The following ATAD5 variants were observed in gnomAD, a reference collection of about 807,000 sequenced individuals.
ATAD5 encodes ATPase family AAA domain-containing protein 5.
Under a neutral mutation model 176.9 loss-of-function variants are expected in ATAD5, and 58 were observed. The observed-to-expected ratio is 0.33, with a 90% CI of 0.27 to 0.41. The LOEUF is 0.41. Among genes scored for constraint, ATAD5 ranks in the 10% least tolerant of loss-of-function variants. The pLI, the probability that ATAD5 is intolerant of heterozygous loss-of-function variation, is 1.00. For synonymous variants in ATAD5, 640 were observed against 712.6 expected (o/e 0.90, Z 1.62); for missense variants, 1,789 against 2,094.1 (o/e 0.85, Z 2.84).
At chr17:30,867,810 G>A (rs1466568517) in intron 11 of ATAD5, among the ~76,000 whole-genome samples, 1 of 152,080 alleles carries the variant, frequency 6.6e-6, no homozygotes, top group Non-Finnish European at 1.5e-5. Flanking sequence ...TCGCTGTGTT[G>A]CCCAGGCTGG....
Position 30,835,074 on chromosome 17 carries a change from T to C in ATAD5, c.993T>C (p.Ile331=). The change falls in exon 2 of 23, where the codon ATT becomes ATC. Residue 331 remains isoleucine (I), a synonymous_variant. Coordinates refer to ENST00000321990, the MANE Select transcript of ATAD5 (RefSeq NM_024857.5). ...TVTVLAQVHP[I]PPKKTGKIPR... ...CTGTTCTTGCACAGGTTCACCCTAT[T>C]CCGCCCAAAAAGACAGGGAAAATAC... is the stretch of plus-strand genomic sequence containing the variant. 6.2e-7 allele frequency: 1 copy of C among 1,614,066 alleles called. No individual in the cohort carries two copies. The highest frequency in any genetic ancestry group is 1.7e-5 in the Admixed American group (1 of 60,020).
intron 12 of ATAD5, 101 bp downstream of exon 12, chr17:30,868,513 T>C (rs181061628): frequency 1.2e-6 from 1 of 822,122 alleles, no homozygotes. Context: ...TTTTTAATTT[T>C]TTTTTTTTTT....
rs557444605 is a variant in ATAD5 at position 30,852,073 on chromosome 17, C to G, written c.2451-3070C>G. On this transcript the variant is annotated intron_variant, in intron 6 of 22. Coordinates refer to ENST00000321990, the MANE Select transcript of ATAD5 (RefSeq NM_024857.5). ...GAATTAACCACATGATGATGGTTTC[C>G]AAATGGCAATTCTCTATTGCAGTCA... 1.9e-3 allele frequency among the ~76,000 whole-genome samples: 284 copies of G among 152,252 alleles called. 1 individual carries two copies. Among genetic ancestry groups the G allele is most frequent in the Non-Finnish European group, 2.2e-3 (149 of 68,016 alleles).
At position 30,835,351 on chromosome 17, in the gene ATAD5, G is replaced by A. The variant is rs147926164; in HGVS notation, c.1270G>A (p.Asp424Asn). 5.6e-6 allele frequency: 9 copies of A among 1,612,894 alleles called. No homozygotes were observed. The highest frequency in any genetic ancestry group is 1.1e-5 in the South Asian group (1 of 90,634). Residue 424 changes from aspartate to asparagine, a missense_variant, in exon 2 of 23, where the codon GAT becomes AAT. Transcript: ENST00000321990. ...ALKNGVKKSS[D>N]KQKDLNEKCL... is the part of the protein sequence containing the mutation. ...TAAAAATGGAGTTAAAAAGTCTTCT[G>A]ATAAGCAGAAAGACCTTAATGAAAA... is the stretch of plus-strand genomic sequence containing the variant.
In ATAD5 at chr17:30,895,629, C is replaced by T. The variant is rs1382957730; in HGVS notation, c.*716C>T. ...CATGTTGGTTAGGCTGGTCTCTTAA[C>T]TCCTGACCTCAAGTGATCCATCTGC... On this transcript the variant is annotated 3_prime_UTR_variant, in exon 23 of 23. Transcript: ENST00000321990. The T allele has an allele frequency of 6.6e-6, 1 of 152,218 alleles. No homozygotes were observed. Among genetic ancestry groups the T allele is most frequent in the Admixed American group, 6.6e-5 (1 of 15,262 alleles). The allele number at this position is 152,218 out of a possible 1,614,324, so 9.4% of individuals were successfully genotyped here.
chr17:30,888,834 G>A (rs1414721736), intron 19 of ATAD5, among the ~76,000 whole-genome samples: 2 of 151,926 alleles, frequency 1.3e-5, no homozygotes, highest in Non-Finnish European at 2.9e-5. Flanking sequence ...TTGGAAGGCC[G>A]AGGCGGTTAG....
chr17:30,876,416 A>G lies in ATAD5; in HGVS notation c.3650A>G (p.Lys1217Arg). 6.2e-7 allele frequency: 1 copy of G among 1,602,456 alleles called. No homozygotes were observed. The highest frequency in any genetic ancestry group is 8.5e-7 in the Non-Finnish European group (1 of 1,176,118). ...AAGAAAGTTGTTACATCACCAAGAA[A>G]AGTTCCTCCACCATCACCAAAAAGT... The part of the protein sequence containing the change: ...SPKKVVTSPR[K>R]VPPPSPKSSG... The change falls in exon 15 of 23, where the codon AAA becomes AGA. Residue 1217 changes from lysine (K) to arginine (R), a missense_variant. Lys to Arg is a conservative substitution (Grantham distance 26, BLOSUM62 2). Transcript: ENST00000321990.
intron 2 of ATAD5, 94 bp downstream of exon 2, chr17:30,836,142 C>A: frequency 9.5e-7 from 1 of 1,052,162 alleles, no homozygotes; most frequent in South Asian, 2.2e-5. Context: ...ATTTTTTTTT[C>A]TAGAACACAG....
chr17:30,867,781 T>G (rs2067698887), intron 11 of ATAD5, among the ~76,000 whole-genome samples: 1 of 152,108 alleles, frequency 6.6e-6, no homozygotes, highest in Non-Finnish European at 1.5e-5. Context: ...CTGGCTAATG[T>G]TTTTTGTAGA....
chr17:30,877,145 G>A (rs924745966), intron 15 of ATAD5, among the ~76,000 whole-genome samples: 3 of 152,058 alleles, frequency 2.0e-5, no homozygotes, highest in African/African-American at 7.2e-5. Flanking sequence ...AGCCTCCCGT[G>A]TAGCTGAGAT....
intron 6 of ATAD5, among the ~76,000 whole-genome samples, 199 bp downstream of exon 6, chr17:30,845,115 C>A (rs1451194877): frequency 1.3e-5 from 2 of 151,846 alleles, no homozygotes; most frequent in Admixed American, 6.6e-5. Context: ...CATCGCTAGA[C>A]AAAACAGAAA....
intron 15 of ATAD5, 130 bp from the exon 16 acceptor site, chr17:30,877,286 G>T: frequency 1.5e-6 from 1 of 651,694 alleles, no homozygotes; most frequent in South Asian, 2.2e-5. Context: ...TGGGATTACA[G>T]GCATGAGCCA....
chr17:30,867,026 T>C lies in ATAD5; in HGVS notation c.3233+1226T>C, dbSNP rs918624989. On this transcript the variant is annotated intron_variant, in intron 11 of 22. Transcript: ENST00000321990. ...GTTAATAGCGTGAACTTGGTACTAC[T>C]GTTCTAAGTACTTGTATTGTTCCTT... Among the ~76,000 whole-genome samples the C allele has an allele frequency of 2.6e-5, 4 of 152,234 alleles. No individual in the cohort carries two copies. The East Asian group carries it at 7.7e-4, about 29-fold the overall frequency.
At position 30,872,155 on chromosome 17, in the gene ATAD5, T is replaced by A. The variant is rs148367666; in HGVS notation, c.3607+2509T>A. The stretch of plus-strand genomic sequence containing the variant: ...GTCTCAAACTCCTGGCCTCCAGCAG[T>A]CTTCCTGCCTTGGCCTCCCGTAGTG... On this transcript the variant is annotated intron_variant, in intron 14 of 22. Transcript: ENST00000321990. Among the ~76,000 whole-genome samples, 1,201 of 152,260 alleles carry A rather than the reference T, an allele frequency of 7.9e-3. 16 individuals are homozygous for A. Among genetic ancestry groups the A allele is most frequent in the African/African-American group, 0.028 (1,144 of 41,554 alleles).
intron 18 of ATAD5, among the ~76,000 whole-genome samples, chr17:30,885,165 T>C (rs1200710567): frequency 6.6e-6 from 1 of 152,202 alleles, no homozygotes; most frequent in Non-Finnish European, 1.5e-5. Context: ...TCTTAGGTTT[T>C]TCTTTGCTTT....
At chr17:30,841,681 T>G (rs1270899289) in intron 4 of ATAD5, among the ~76,000 whole-genome samples, 1 of 152,220 alleles carries the variant, frequency 6.6e-6, no homozygotes, top group Admixed American at 6.5e-5. Context: ...ACTAACCTGC[T>G]TCTGTCTCTG....
rs186822822 is a variant in ATAD5 at position 30,832,260 on chromosome 17, A to G, written c.-88A>G. ...AGCAGAATCCCAGCAGCTTGCTGCT[A>G]CTGGAGCGGGCCGCCTCCATGGCCT... On this transcript the variant is annotated 5_prime_UTR_variant, in exon 1 of 23. Coordinates refer to ENST00000321990, the MANE Select transcript of ATAD5 (RefSeq NM_024857.5). The G allele has an allele frequency of 6.1e-5, 73 of 1,199,678 alleles. No homozygotes were observed. Among genetic ancestry groups the G allele is most frequent in the Non-Finnish European group, 7.6e-5 (69 of 905,432 alleles). 74.3% of individuals were successfully genotyped at this position (1,199,678 alleles called of 1,614,324 possible).
chr17:30,884,222 G>C (rs1255827070), intron 18 of ATAD5, among the ~76,000 whole-genome samples: 1 of 150,448 alleles, frequency 6.6e-6, no homozygotes, highest in East Asian at 2.0e-4. Context: ...GCAGTGGCAC[G>C]ATCTTAGTCA....
intron 11 of ATAD5, 124 bp from the exon 12 acceptor site, chr17:30,868,209 G>A (rs1192823945): frequency 1.4e-6 from 1 of 689,776 alleles, no homozygotes; most frequent in Non-Finnish European, 2.2e-6. Flanking sequence ...GCCTTCATCA[G>A]TTGAATGGCC....
Sources: allele counts gnomAD v4.1 joint callset (sites outside exome capture counted in the v4.1 genomes callset), GRCh38; gene constraint gnomAD v4.1.1; transcripts MANE v1.5; gene names NCBI Gene and HGNC (gene_info 2026-07-23, HGNC 2026-07-21).